Variants in PCDHA7 observed in about 807,000 individuals in gnomAD.
The protein encoded by PCDHA7 is protocadherin alpha 7.
PCDHA7 carries 37 observed loss-of-function variants against 57.2 expected under a neutral mutation model. The ratio of observed to expected loss-of-function variants is 0.65; its 90% confidence interval spans 0.50 to 0.85. The LOEUF (loss-of-function observed/expected upper bound fraction) is 0.85. Among genes scored for constraint, PCDHA7 ranks in the 40% least tolerant of loss-of-function variants. The probability of loss-of-function intolerance (pLI) is 0.00; values close to 1 mark genes in which losing one functional copy is unlikely to be tolerated. For missense variants in PCDHA7, 1,188 were observed against 1,241.8 expected (o/e 0.96, Z 0.65); for synonymous variants, 553 against 558.8 (o/e 0.99, Z 0.15).
At chr5:140,918,766 C>T (rs1387250517) in intron 1 of PCDHA7, among the ~76,000 whole-genome samples, 2 of 152,170 alleles carry the variant, frequency 1.3e-5, no homozygotes, top group Non-Finnish European at 2.9e-5. Flanking sequence ...GGTGCCTTGC[C>T]TCTTTCACCA....
intron 1 of PCDHA7, chr5:140,856,399 T>C (rs782023286): frequency 6.3e-7 from 1 of 1,598,492 alleles, no homozygotes; most frequent in Non-Finnish European, 8.6e-7. Context: ...AGGTTTTCCA[T>C]GTGGACGTGG....
intron 1 of PCDHA7, among the ~76,000 whole-genome samples, chr5:140,845,729 T>C (rs952746067): frequency 6.7e-6 from 1 of 149,682 alleles, no homozygotes; most frequent in Non-Finnish European, 1.5e-5. Flanking sequence ...TAAATGTGAA[T>C]TCTACTTTAT....
chr5:140,969,023 C>T lies in PCDHA7; in HGVS notation c.2356-9926C>T. ...CTTCTGTGGAGTAAGGGAAAGGTCC[C>T]CTGCAGAACTGTACAAACAAGCCAA... is the stretch of plus-strand genomic sequence containing the variant. On this transcript the variant is annotated intron_variant, in intron 1 of 3. Coordinates refer to ENST00000525929, the MANE Select transcript of PCDHA7 (RefSeq NM_018910.3). The T allele has an allele frequency of 3.1e-6, 5 of 1,614,124 alleles. No homozygotes were observed. In the Admixed American group the frequency reaches 5.0e-5, roughly 16 times the overall value.
intron 1 of PCDHA7, among the ~76,000 whole-genome samples, chr5:140,945,724 A>G (rs569323682): frequency 4.6e-5 from 7 of 152,272 alleles, no homozygotes; most frequent in South Asian, 2.1e-4. Flanking sequence ...AAGAATATAC[A>G]ATGGAAAAAG....
At chr5:140,874,117 T>C (rs1349618614) in intron 1 of PCDHA7, among the ~76,000 whole-genome samples, 2 of 152,248 alleles carry the variant, frequency 1.3e-5, no homozygotes, top group Admixed American at 1.3e-4. Context: ...TAACGTTTTA[T>C]AGTTTATTTA....
intron 1 of PCDHA7, chr5:140,847,908 G>GA (rs1781243809): frequency 6.7e-6 from 1 of 149,496 alleles, no homozygotes; most frequent in Non-Finnish European, 1.5e-5. Context: ...AGATTTCTGG[G>GA]CTCCTATATT....
chr5:140,924,926 T>A (rs1554202369), intron 1 of PCDHA7, among the ~76,000 whole-genome samples: 1 of 119,426 alleles, frequency 8.4e-6, no homozygotes, highest in African/African-American at 3.1e-5. Flanking sequence ...TAAAATAAAA[T>A]AAAATAAAAT....
intron 1 of PCDHA7, among the ~76,000 whole-genome samples, chr5:140,895,055 A>G (rs1313066261): frequency 6.6e-6 from 1 of 152,118 alleles, no homozygotes; most frequent in East Asian, 1.9e-4. Context: ...ATTCTGCTTC[A>G]TATGGACTCA....
intron 1 of PCDHA7, among the ~76,000 whole-genome samples, chr5:140,906,410 A>T (rs1454575995): frequency 6.6e-6 from 1 of 152,246 alleles, no homozygotes; most frequent in Non-Finnish European, 1.5e-5. Flanking sequence ...ATATGAAGTC[A>T]ATAAATCTTA....
chr5:140,857,241 C>T, intron 1 of PCDHA7: 1 of 1,598,588 alleles, frequency 6.3e-7, no homozygotes, highest in East Asian at 2.2e-5. Context: ...AAGCTGGTGT[C>T]CACCTACAAG....
chr5:140,881,538 C>A (rs879991805), intron 1 of PCDHA7, among the ~76,000 whole-genome samples: 1 of 152,196 alleles, frequency 6.6e-6, no homozygotes, highest in Middle Eastern at 3.2e-3. Flanking sequence ...TGACTGAACA[C>A]TTTCTTTTGA....
chr5:140,930,257 A>C (rs1412873070), intron 1 of PCDHA7: 1 of 152,218 alleles, frequency 6.6e-6, no homozygotes, highest in Non-Finnish European at 1.5e-5. Flanking sequence ...ACTTGGATTT[A>C]ATTTCTTTTA....
chr5:140,915,937 G>A (rs782632336), intron 1 of PCDHA7, among the ~76,000 whole-genome samples: 7 of 152,104 alleles, frequency 4.6e-5, no homozygotes, highest in African/African-American at 7.2e-5. Flanking sequence ...GTCAGGGATT[G>A]GAGTCAAAAT....
At chr5:140,840,108 A>T (rs2150169191) in intron 1 of PCDHA7, among the ~76,000 whole-genome samples, 1 of 152,186 alleles carries the variant, frequency 6.6e-6, no homozygotes, top group Admixed American at 6.5e-5. Flanking sequence ...AGTGAAATCG[A>T]GTGAAAGCTG....
chr5:140,843,388 G>C lies in PCDHA7; in HGVS notation c.2355+6650G>C, dbSNP rs1411961192. On this transcript the variant is annotated intron_variant, in intron 1 of 3. Coordinates refer to ENST00000525929, the MANE Select transcript of PCDHA7 (RefSeq NM_018910.3). ...GGCAGTCGGCTGGCGTTTTGGGTCC[G>C]GAAGCGGCGCTGGTGGATGTCAACG... 45 of 1,595,950 alleles carry C rather than the reference G, an allele frequency of 2.8e-5. 4 individuals are homozygous for C. The highest frequency in any genetic ancestry group is 3.9e-5 in the Non-Finnish European group (45 of 1,165,580).
chr5:140,842,127 C>A (rs2150329918), intron 1 of PCDHA7: 3 of 1,613,572 alleles, frequency 1.9e-6, no homozygotes, highest in African/African-American at 1.3e-5. Context: ...GCTTCTGATC[C>A]GGATGAAGGA....
intron 1 of PCDHA7, among the ~76,000 whole-genome samples, chr5:140,871,958 G>A (rs1251366239): frequency 1.3e-5 from 2 of 152,180 alleles, no homozygotes; most frequent in Non-Finnish European, 2.9e-5. Context: ...CTAAAGGGAG[G>A]AGGTCTTCCT....
intron 1 of PCDHA7, among the ~76,000 whole-genome samples, chr5:140,896,645 A>G (rs988054711): frequency 1.3e-5 from 2 of 151,728 alleles, no homozygotes; most frequent in African/African-American, 4.8e-5. Context: ...CCAAAGTGCT[A>G]GTATTACAGG....
intron 1 of PCDHA7, among the ~76,000 whole-genome samples, chr5:140,953,962 T>C (rs2153701012): frequency 6.6e-6 from 1 of 152,196 alleles, no homozygotes; most frequent in Admixed American, 6.5e-5. Flanking sequence ...CAGGCCCCAG[T>C]GTGTGTTGTT....
Sources: gnomAD v4.1 joint callset for allele counts (sites outside exome capture counted in the v4.1 genomes callset) on GRCh38, gnomAD v4.1.1 for gene constraint, MANE v1.5 for transcripts, NCBI Gene and HGNC (gene_info 2026-07-23, HGNC 2026-07-21) for gene names.